Variants in CAPS2 observed in about 807,000 individuals in gnomAD.
CAPS2 encodes the protein calcyphosine 2.
In CAPS2, 98 loss-of-function variants were observed where a neutral mutation model predicts 86.5. The observed-to-expected ratio is 1.13, with a 90% CI of 0.96 to 1.34. The LOEUF (loss-of-function observed/expected upper bound fraction) is 1.34, where lower values mean the gene tolerates loss of function less well. Ranked by LOEUF, CAPS2 falls within the 40% of genes most tolerant of loss-of-function variation. The pLI is 0.00. For synonymous variants in CAPS2, 210 were observed against 225.1 expected, an observed-to-expected ratio of 0.93 and a Z score of 0.60; for missense variants, 729 against 686.8, an observed-to-expected ratio of 1.06 and a Z score of -0.69.
At chr12:75,279,260 C>A (rs1195141591) in intron 16 of CAPS2, among the ~76,000 whole-genome samples, 195 bp from the exon 17 acceptor site, 1 of 151,958 alleles carries the variant, frequency 6.6e-6, no homozygotes, top group East Asian at 1.9e-4. Context: ...TTCCCTGCCC[C>A]CTGCTCTCCT....
chr12:75,306,855 C>T lies in CAPS2; in HGVS notation c.660-1979G>A, dbSNP rs1307897833. ...AACTGGCCTCAATGTGGGCACTTGG[C>T]ACACTTTACTAAACACATTTTCAAC... On this transcript the variant is annotated intron_variant, in intron 7 of 16. Transcript: ENST00000393284. Among the ~76,000 whole-genome samples the T allele has an allele frequency of 2.0e-5, 3 of 152,076 alleles. No homozygotes were observed. The East Asian group carries it at 5.8e-4, about 29-fold the overall frequency.
intron 1 of CAPS2, chr12:75,369,945 T>A: frequency 1.7e-6 from 2 of 1,183,316 alleles, no homozygotes; most frequent in East Asian, 2.6e-5. Context: ...ATATTAACTT[T>A]AATTTTTACT....
chr12:75,301,699 C>A (rs907406032), intron 8 of CAPS2, among the ~76,000 whole-genome samples: 45 of 152,230 alleles, frequency 3.0e-4, no homozygotes, highest in African/African-American at 1.1e-3. Context: ...TTGCTCTTAA[C>A]CATTACATTA....
chr12:75,296,156 T>C (rs977809780), intron 11 of CAPS2, among the ~76,000 whole-genome samples: 7 of 152,190 alleles, frequency 4.6e-5, no homozygotes, highest in Non-Finnish European at 8.8e-5. Flanking sequence ...CAGAGTCTCC[T>C]GTAAATAATT....
chr12:75,294,994 T>A (rs1483322312), intron 11 of CAPS2: 1 of 152,098 alleles, frequency 6.6e-6, no homozygotes, highest in Non-Finnish European at 1.5e-5. Context: ...AGGTTGTAAA[T>A]GAATGGGCCT....
upstream of CAPS2, chr12:75,330,030 C>T: frequency 1.9e-6 from 1 of 519,354 alleles, no homozygotes. Context: ...TTAGACAGGA[C>T]AGTCTAGACA....
At chr12:75,339,498 G>T (rs2041958425) in intron 1 of CAPS2, among the ~76,000 whole-genome samples, 1 of 152,018 alleles carries the variant, frequency 6.6e-6, no homozygotes, top group Non-Finnish European at 1.5e-5. Context: ...TTAGACCTTG[G>T]TCAGATGGAT....
chr12:75,313,687 G>T (rs1020284925), intron 6 of CAPS2, among the ~76,000 whole-genome samples: 9 of 152,096 alleles, frequency 5.9e-5, no homozygotes, highest in African/African-American at 2.2e-4. Flanking sequence ...TCAAAATAAA[G>T]CTTGTTCTAT....
rs76597318 is a variant in CAPS2 at position 75,294,869 on chromosome 12, G to A, written c.1045-1502C>T. Among the ~76,000 whole-genome samples the A allele has an allele frequency of 1.3e-4, 20 of 152,090 alleles. No individual in the cohort carries two copies. The East Asian group carries it at 3.3e-3, about 25-fold the overall frequency. On this transcript the variant is annotated intron_variant, in intron 11 of 16. Coordinates refer to ENST00000393284, the Ensembl canonical transcript of CAPS2. ...AGAATAGCAAAACAAATTTATTAAC[G>A]TGCATAAGCATAGGAGTCATACCAA...
chr12:75,367,035 A>C, intron 1 of CAPS2: 1 of 700,976 alleles, frequency 1.4e-6, no homozygotes, highest in Non-Finnish European at 2.6e-6. Flanking sequence ...ATTTATCTCT[A>C]AAAATGACAG....
intron 1 of CAPS2, chr12:75,367,087 T>C (rs2044019985): frequency 1.1e-5 from 8 of 695,814 alleles, no homozygotes; most frequent in South Asian, 7.5e-5. Flanking sequence ...CCAACTGAGA[T>C]TAATTTGGGG....
At chr12:75,351,127 G>A (rs1413774893) in intron 1 of CAPS2, among the ~76,000 whole-genome samples, 2 of 151,952 alleles carry the variant, frequency 1.3e-5, no homozygotes, top group Admixed American at 1.3e-4. Context: ...GCTGAAATAA[G>A]GCAGGCAGAC....
intron 8 of CAPS2, among the ~76,000 whole-genome samples, chr12:75,302,065 G>T (rs1439027571): frequency 1.3e-5 from 2 of 152,094 alleles, no homozygotes; most frequent in African/African-American, 4.8e-5. Flanking sequence ...CAATGCACAG[G>T]GCAGAATGTG....
At position 75,379,853 on chromosome 12, in the gene CAPS2, TAAA is replaced by T. The variant is rs35309353; in HGVS notation, c.-395+10982_-395+10984del. Among the ~76,000 whole-genome samples the T allele has an allele frequency of 2.7e-4, 30 of 111,900 alleles. 1 individual carries two copies. Among genetic ancestry groups the T allele is most frequent in the Non-Finnish European group, 3.7e-4 (20 of 54,680 alleles). The allele number at this position is 111,900 out of a possible 152,430, so 73.4% of individuals were successfully genotyped here. ...TATTATTATGATGCATCCCTATCAGTAAAAAAAAAAAAAAAAAAAAAAAATTGT... is the reference window on the plus strand; with the variant it reads ...TATTATTATGATGCATCCCTATCAGTAAAAAAAAAAAAAAAAAAAAATTGT... On this transcript the variant is annotated intron_variant, in intron 1 of 5. Coordinates refer to the CAPS2 transcript ENST00000551829.
chr12:75,300,004 G>T, intron 8 of CAPS2, 93 bp from the exon 9 acceptor site: 1 of 504,420 alleles, frequency 2.0e-6, no homozygotes, highest in South Asian at 4.1e-5. Context: ...TTAATATTTT[G>T]AAACCACACA....
intron 6 of CAPS2, 142 bp downstream of exon 6, chr12:75,316,170 G>A (rs2039737582): frequency 2.0e-6 from 2 of 1,005,672 alleles, no homozygotes; most frequent in Non-Finnish European, 2.8e-6. Flanking sequence ...TTATAAAAAT[G>A]AGGACTCAAT....
chr12:75,341,812 C>T (rs1018040040), intron 1 of CAPS2, among the ~76,000 whole-genome samples: 1 of 143,468 alleles, frequency 7.0e-6, no homozygotes, highest in Non-Finnish European at 1.5e-5. Flanking sequence ...GGCAATGGCA[C>T]GGTCTTGGCT....
intron 4 of CAPS2, among the ~76,000 whole-genome samples, chr12:75,322,281 G>C (rs190293283): frequency 7.2e-5 from 11 of 152,138 alleles, no homozygotes; most frequent in Non-Finnish European, 1.3e-4. Flanking sequence ...GTGGATAAGA[G>C]AAACCTAAAA....
intron 16 of CAPS2, 116 bp downstream of exon 16, chr12:75,282,135 A>G (rs1234151612): frequency 2.9e-6 from 2 of 680,170 alleles, no homozygotes; most frequent in African/African-American, 3.7e-5. Context: ...CCAGTTCAAA[A>G]AAATAGTTTA....
Sources: allele counts gnomAD v4.1 joint callset (sites outside exome capture counted in the v4.1 genomes callset), GRCh38; gene constraint gnomAD v4.1.1; transcripts MANE v1.5; gene names NCBI Gene and HGNC (gene_info 2026-07-23, HGNC 2026-07-21).